The following LGSN variants were observed in gnomAD, a reference collection of about 807,000 sequenced individuals.
LGSN encodes the protein lengsin, lens protein with glutamine synthetase domain.
Under a neutral mutation model 19.5 loss-of-function variants are expected in LGSN, and 21 were observed. The observed-to-expected ratio is 1.07, with a 90% CI of 0.76 to 1.55. The LOEUF is 1.55. Among genes scored for constraint, LGSN ranks in the 40% most tolerant of loss-of-function variants. The pLI is 0.00. For synonymous variants in LGSN, 257 were observed against 215.6 expected (o/e 1.19, Z -1.68); for missense variants, 673 against 608.5 (o/e 1.11, Z -1.12).
chr6:63,452,871 A>T, the LGSN span, among the ~76,000 whole-genome samples: 5 of 151,594 alleles, frequency 3.3e-5, no homozygotes, highest in Non-Finnish European at 7.4e-5. Flanking sequence ...GTATGTTAAG[A>T]TTGAAGCTTG....
the LGSN span, among the ~76,000 whole-genome samples, chr6:63,533,174 G>C: frequency 6.6e-6 from 1 of 152,192 alleles, no homozygotes; most frequent in Non-Finnish European, 1.5e-5. Context: ...TTGAGGTCAC[G>C]AGTTCAATAC....
chr6:63,340,479 GTCTGACTGGGTTACT>G, the LGSN span, among the ~76,000 whole-genome samples: 1 of 151,690 alleles, frequency 6.6e-6, no homozygotes, highest in Non-Finnish European at 1.5e-5. Flanking sequence ...TTGTTGTTTT[GTCTGACTGGGTTACT>G]TCAGACCTGT....
At chr6:63,470,994 G>A in the LGSN span, among the ~76,000 whole-genome samples, 1 of 131,620 alleles carries the variant, frequency 7.6e-6, no homozygotes, top group East Asian at 2.3e-4. Flanking sequence ...AGGCTGCAGT[G>A]CAATGGCACA....
At chr6:63,504,304 C>G in the LGSN span, among the ~76,000 whole-genome samples, 1 of 151,108 alleles carries the variant, frequency 6.6e-6, no homozygotes, top group South Asian at 2.1e-4. Context: ...TGCAGTGGTG[C>G]AATCTCGGCT....
the LGSN span, among the ~76,000 whole-genome samples, chr6:63,393,389 G>C: frequency 6.6e-6 from 1 of 151,274 alleles, no homozygotes; most frequent in Non-Finnish European, 1.5e-5. Flanking sequence ...ATGTTGGTCA[G>C]GCTGGTCTCG....
At chr6:63,536,308 C>CA in the LGSN span, among the ~76,000 whole-genome samples, 10 of 151,840 alleles carry the variant, frequency 6.6e-5, no homozygotes, top group South Asian at 1.7e-3. Flanking sequence ...CCAGCCTGAG[C>CA]AACAAGAGCT....
chr6:63,291,895 C>G (rs1767786907), intron 2 of LGSN, among the ~76,000 whole-genome samples: 1 of 152,198 alleles, frequency 6.6e-6, no homozygotes, highest in African/African-American at 2.4e-5. Flanking sequence ...GGGATATTAT[C>G]TTGGATTATC....
the LGSN span, among the ~76,000 whole-genome samples, chr6:63,522,500 A>T: frequency 1.3e-5 from 2 of 152,250 alleles, no homozygotes; most frequent in Non-Finnish European, 2.9e-5. Context: ...GACTGTATCC[A>T]TGACAAGCTT....
the LGSN span, among the ~76,000 whole-genome samples, chr6:63,552,827 C>A: frequency 6.6e-6 from 1 of 152,128 alleles, no homozygotes; most frequent in East Asian, 1.9e-4. Context: ...TCAGGTTTGT[C>A]AAAGATCAGA....
the LGSN span, among the ~76,000 whole-genome samples, chr6:63,408,373 C>T: frequency 2.8e-4 from 41 of 147,698 alleles, no homozygotes; most frequent in African/African-American, 1.0e-3. Flanking sequence ...AGAAATAACG[C>T]CACATATCTA....
the LGSN span, among the ~76,000 whole-genome samples, chr6:63,489,397 C>T: frequency 6.6e-6 from 1 of 152,330 alleles, no homozygotes; most frequent in Non-Finnish European, 1.5e-5. Flanking sequence ...GAGACAGGGT[C>T]TCACTCTGTT....
chr6:63,412,464 A>AAGAAAG, the LGSN span, among the ~76,000 whole-genome samples: 21 of 128,708 alleles, frequency 1.6e-4, no homozygotes, highest in African/African-American at 7.4e-4. Context: ...GAAAGAAAGA[A>AAGAAAG]AAAGAGAGAG....
chr6:63,523,235 AG>A, the LGSN span, among the ~76,000 whole-genome samples: 1 of 152,086 alleles, frequency 6.6e-6, no homozygotes, highest in African/African-American at 2.4e-5. Flanking sequence ...GTAAGTGTCT[AG>A]GATGTTTATT....
the LGSN span, among the ~76,000 whole-genome samples, chr6:63,558,208 A>G: frequency 1.3e-5 from 2 of 152,156 alleles, no homozygotes; most frequent in Non-Finnish European, 2.9e-5. Flanking sequence ...ATTAAATGGG[A>G]CAAGACAAGT....
chr6:63,427,415 G>A, the LGSN span, among the ~76,000 whole-genome samples: 160 of 151,920 alleles, frequency 1.1e-3, no homozygotes, highest in African/African-American at 3.5e-3. Context: ...CCTCAAACTC[G>A]TATTTTTCCT....
At chr6:63,404,264 A>C in the LGSN span, among the ~76,000 whole-genome samples, 5 of 152,196 alleles carry the variant, frequency 3.3e-5, no homozygotes, top group Non-Finnish European at 5.9e-5. Context: ...ACAACTTAAA[A>C]TACAATCATG....
chr6:63,349,753 C>G, the LGSN span, among the ~76,000 whole-genome samples: 2 of 152,242 alleles, frequency 1.3e-5, no homozygotes, highest in South Asian at 2.1e-4. Context: ...CTTAAAATAA[C>G]ACAAATTTAT....
chr6:63,361,557 A>G, the LGSN span, among the ~76,000 whole-genome samples: 1 of 151,758 alleles, frequency 6.6e-6, no homozygotes, highest in African/African-American at 2.4e-5. Flanking sequence ...CGTCTGTCAC[A>G]CCTTTCCTTG....
At chr6:63,370,064 T>C in the LGSN span, among the ~76,000 whole-genome samples, 2 of 152,188 alleles carry the variant, frequency 1.3e-5, no homozygotes, top group Non-Finnish European at 2.9e-5. Flanking sequence ...GTCACATTTC[T>C]CTTCCAGGTA....
Sources: gnomAD v4.1 joint callset for allele counts (sites outside exome capture counted in the v4.1 genomes callset) on GRCh38, gnomAD v4.1.1 for gene constraint, MANE v1.5 for transcripts, NCBI Gene and HGNC (gene_info 2026-07-23, HGNC 2026-07-21) for gene names.